Variants in PLA2G4A observed in about 807,000 individuals in gnomAD.
The protein encoded by PLA2G4A is phospholipase A2 group IVA.
Under a neutral mutation model 81.9 loss-of-function variants are expected in PLA2G4A, and 40 were observed. The ratio of observed to expected loss-of-function variants is 0.49; its 90% CI spans 0.38 to 0.64. The LOEUF is 0.64. PLA2G4A is among the 30% of genes least tolerant of loss of function. PLA2G4A has a pLI of 0.00. For synonymous variants in PLA2G4A, 302 were observed against 296.9 expected (o/e 1.02, Z -0.18); for missense variants, 715 against 905.1 (o/e 0.79, Z 2.69).
intron 2 of PLA2G4A, among the ~76,000 whole-genome samples, chr1:186,862,223 C>CTTTTTTTTTTTTTTTTTT (rs66584780): frequency 2.4e-5 from 3 of 126,306 alleles, no homozygotes; most frequent in Admixed American, 8.9e-5. Flanking sequence ...TAGTTATGAA[C>CTTTTTTTTTTTTTTTTTT]TTTTTTTTTG....
intron 17 of PLA2G4A, among the ~76,000 whole-genome samples, chr1:186,982,460 T>C (rs1299343604): frequency 6.6e-6 from 1 of 152,214 alleles, no homozygotes; most frequent in Non-Finnish European, 1.5e-5. Context: ...AATGAGAACC[T>C]TACCTATACA....
intron 2 of PLA2G4A, among the ~76,000 whole-genome samples, chr1:186,855,388 TTCTG>T (rs1227437490): frequency 2.6e-5 from 4 of 152,124 alleles, no homozygotes; most frequent in African/African-American, 9.6e-5. Flanking sequence ...AAGCTCTTCT[TTCTG>T]TCTGACTCTC....
intron 6 of PLA2G4A, 38 bp downstream of exon 6, chr1:186,907,040 A>T: frequency 9.4e-7 from 1 of 1,060,288 alleles, no homozygotes; most frequent in Non-Finnish European, 1.5e-6. Flanking sequence ...AAATATTGTG[A>T]GTGATCCACT....
intron 2 of PLA2G4A, among the ~76,000 whole-genome samples, chr1:186,869,863 A>G (rs1317160190): frequency 6.6e-6 from 1 of 152,154 alleles, no homozygotes; most frequent in East Asian, 1.9e-4. Flanking sequence ...CTACCTGTTA[A>G]TGTTTTATTA....
chr1:186,852,086 A>G (rs1652394012), intron 1 of PLA2G4A, among the ~76,000 whole-genome samples: 1 of 152,000 alleles, frequency 6.6e-6, no homozygotes, highest in Admixed American at 6.6e-5. Context: ...ATATCCTATC[A>G]TTCATTCATT....
chr1:186,887,519 C>T (rs920273110), intron 3 of PLA2G4A, among the ~76,000 whole-genome samples: 31 of 152,168 alleles, frequency 2.0e-4, no homozygotes, highest in African/African-American at 7.5e-4. Context: ...TCCACACCCC[C>T]GACATTTTTT....
At chr1:186,868,604 T>C (rs1571349072) in intron 2 of PLA2G4A, among the ~76,000 whole-genome samples, 1 of 152,210 alleles carries the variant, frequency 6.6e-6, no homozygotes, top group East Asian at 1.9e-4. Flanking sequence ...CAAGAATTGA[T>C]ATAGTTTCCT....
intron 5 of PLA2G4A, among the ~76,000 whole-genome samples, chr1:186,900,463 A>G (rs1438984568): frequency 6.6e-6 from 1 of 152,242 alleles, no homozygotes; most frequent in Non-Finnish European, 1.5e-5. Context: ...CTGGATATCA[A>G]ACATACTTAT....
intron 2 of PLA2G4A, among the ~76,000 whole-genome samples, chr1:186,860,640 T>C (rs77862300): frequency 0.016 from 2,448 of 152,234 alleles, 79 homozygotes; most frequent in African/African-American, 0.057. Flanking sequence ...CCTACCGAAA[T>C]TGATGTGTAA....
rs1468383735 is a variant in PLA2G4A at position 186,857,077 on chromosome 1, T to TAATATATATTATATAATATATAATA, written c.33+2690_33+2691insAATATATATTATATAATATATAATA. On this transcript the variant is annotated intron_variant, in intron 2 of 17. Transcript: ENST00000367466. ...GTCTGCCATGCAGCCCCCACATATA[T>TAATATATATTATATAATATATAATA]TATACATATATAATATATAATATAA... 3.3e-4 allele frequency among the ~76,000 whole-genome samples: 6 copies of TAATATATATTATATAATATATAATA among 18,186 alleles called. 1 individual carries two copies. Among genetic ancestry groups the TAATATATATTATATAATATATAATA allele is most frequent in the Non-Finnish European group, 4.0e-4 (5 of 12,538 alleles). The allele number at this position is 18,186 out of a possible 152,430, so 11.9% of individuals were successfully genotyped here.
At position 186,861,178 on chromosome 1, in the gene PLA2G4A, G is replaced by A. The variant is rs145806862; in HGVS notation, c.33+6791G>A. ...CAGTTCCAGATTGGTTTTCTGGGCA[G>A]CTTGTATTACATTAAAATGGGTTAC... On this transcript the variant is annotated intron_variant, in intron 2 of 17. Transcript: ENST00000367466. Among the ~76,000 whole-genome samples the A allele has an allele frequency of 1.5e-3, 228 of 152,310 alleles. 1 individual carries two copies. The highest frequency in any genetic ancestry group is 2.7e-3 in the Non-Finnish European group (184 of 68,022).
intron 1 of PLA2G4A, among the ~76,000 whole-genome samples, chr1:186,837,002 A>G (rs1421068396): frequency 6.6e-6 from 1 of 152,204 alleles, no homozygotes; most frequent in Non-Finnish European, 1.5e-5. Flanking sequence ...GGCTCACGCT[A>G]GAGTTCCAGG....
At chr1:186,912,949 A>G (rs1655015568) in intron 7 of PLA2G4A, among the ~76,000 whole-genome samples, 1 of 150,570 alleles carries the variant, frequency 6.6e-6, no homozygotes, top group Non-Finnish European at 1.5e-5. Flanking sequence ...AAATTACTTA[A>G]TTTAAATGTA....
At chr1:186,871,484 A>C (rs373457232) in intron 3 of PLA2G4A, among the ~76,000 whole-genome samples, 1 of 152,132 alleles carries the variant, frequency 6.6e-6, no homozygotes, top group African/African-American at 2.4e-5. Context: ...ATCGTCCAGG[A>C]AACAGGTAGG....
intron 7 of PLA2G4A, among the ~76,000 whole-genome samples, chr1:186,921,685 T>A (rs1400315062): frequency 6.6e-6 from 1 of 152,026 alleles, no homozygotes; most frequent in Non-Finnish European, 1.5e-5. Flanking sequence ...CCCTTCCTTT[T>A]GATAAGGAGG....
At chr1:186,833,985 C>T (rs552116469) in intron 1 of PLA2G4A, among the ~76,000 whole-genome samples, 2 of 152,290 alleles carry the variant, frequency 1.3e-5, no homozygotes, top group African/African-American at 2.4e-5. Context: ...TGTGAATCAA[C>T]TGCTTCCTTT....
At chr1:186,895,458 C>A (rs566740589) in intron 5 of PLA2G4A, among the ~76,000 whole-genome samples, 2 of 152,342 alleles carry the variant, frequency 1.3e-5, no homozygotes, top group Admixed American at 1.3e-4. Flanking sequence ...CTATTTCATT[C>A]ATTCCTTTTA....
intron 10 of PLA2G4A, among the ~76,000 whole-genome samples, 158 bp from the exon 11 acceptor site, chr1:186,946,479 T>A (rs911046944): frequency 6.6e-6 from 1 of 152,120 alleles, no homozygotes; most frequent in Non-Finnish European, 1.5e-5. Context: ...CTACACAATG[T>A]CATATACATA....
At chr1:186,837,519 G>A (rs144344090) in intron 1 of PLA2G4A, among the ~76,000 whole-genome samples, 2 of 151,606 alleles carry the variant, frequency 1.3e-5, no homozygotes, top group East Asian at 3.9e-4. Flanking sequence ...CACGAGGTCA[G>A]GAGATCAAGA....
Sources: gnomAD v4.1 joint callset for allele counts (sites outside exome capture counted in the v4.1 genomes callset) on GRCh38, gnomAD v4.1.1 for gene constraint, MANE v1.5 for transcripts, NCBI Gene and HGNC (gene_info 2026-07-23, HGNC 2026-07-21) for gene names.